Variants in DDX1 observed in about 807,000 individuals in gnomAD.
The protein encoded by DDX1 is DEAD-box helicase 1, also known as ATP-dependent RNA helicase DDX1.
Under a neutral mutation model 108.7 loss-of-function variants are expected in DDX1, and 28 were observed. That is an observed-to-expected ratio of 0.26 (90% CI 0.19 to 0.35). The LOEUF is 0.35. DDX1 is among the 10% of genes least tolerant of loss of function. DDX1 has a pLI of 1.00. For synonymous variants in DDX1, 295 were observed against 288.9 expected (o/e 1.02, Z -0.21); for missense variants, 710 against 884.5 (o/e 0.80, Z 2.50).
intron 1 of DDX1, 90 bp from the exon 2 acceptor site, chr2:15,595,055 C>G: frequency 2.9e-6 from 3 of 1,025,260 alleles, no homozygotes; most frequent in Non-Finnish European, 4.4e-6. Context: ...CCTTCAAAAT[C>G]TTTACCCTGT....
At chr2:15,615,906 T>G (rs1036459197) in intron 14 of DDX1, among the ~76,000 whole-genome samples, 33 of 152,228 alleles carry the variant, frequency 2.2e-4, no homozygotes, top group African/African-American at 7.7e-4. Context: ...ATTTATTTAT[T>G]TTTGGAGATG....
intron 4 of DDX1, 47 bp from the exon 5 acceptor site, chr2:15,597,328 C>T (rs756987240): frequency 1.5e-5 from 17 of 1,159,136 alleles, no homozygotes; most frequent in Non-Finnish European, 2.0e-5. Context: ...ATTAAATTGT[C>T]GTTAATATGT....
intron 25 of DDX1, 84 bp from the exon 26 acceptor site, chr2:15,630,692 A>G: frequency 7.0e-7 from 1 of 1,434,132 alleles, no homozygotes. Flanking sequence ...CAAAGTTTAA[A>G]GTGATATAAT....
At chr2:15,605,583 G>A (rs1665649116) in intron 10 of DDX1, among the ~76,000 whole-genome samples, 1 of 152,116 alleles carries the variant, frequency 6.6e-6, no homozygotes, top group Non-Finnish European at 1.5e-5. Context: ...AAAGAAAGTG[G>A]ATACAGTGTA....
chr2:15,606,714 T>C (rs970602290), intron 12 of DDX1, among the ~76,000 whole-genome samples: 1 of 152,264 alleles, frequency 6.6e-6, no homozygotes, highest in East Asian at 1.9e-4. Flanking sequence ...TATACTCTTA[T>C]CCATTGTATA....
At chr2:15,608,205 A>G (rs145814639) in intron 13 of DDX1, among the ~76,000 whole-genome samples, 29 of 152,308 alleles carry the variant, frequency 1.9e-4, no homozygotes, top group African/African-American at 6.3e-4. Flanking sequence ...AACTTGAAAC[A>G]TTCACACACC....
At chr2:15,616,432 T>C (rs1230411901) in intron 14 of DDX1, among the ~76,000 whole-genome samples, 1 of 152,214 alleles carries the variant, frequency 6.6e-6, no homozygotes, top group African/African-American at 2.4e-5. Context: ...CTCTGAAACC[T>C]GTGTGTCTAA....
At chr2:15,612,743 G>T (rs1184894892) in intron 13 of DDX1, among the ~76,000 whole-genome samples, 1 of 152,322 alleles carries the variant, frequency 6.6e-6, no homozygotes, top group Non-Finnish European at 1.5e-5. Context: ...GGGAGACTCC[G>T]TCTGCAATCC....
chr2:15,596,674 A>C (rs912957158), intron 3 of DDX1, 60 bp from the exon 4 acceptor site: 1 of 1,390,504 alleles, frequency 7.2e-7, no homozygotes, highest in Non-Finnish European at 1.0e-6. Context: ...CTATGGTGTT[A>C]GTTTGATTTC....
intron 3 of DDX1, among the ~76,000 whole-genome samples, chr2:15,595,808 A>G (rs1197519447): frequency 1.3e-5 from 2 of 152,314 alleles, no homozygotes; most frequent in Admixed American, 1.3e-4. Context: ...GCAGAGTAGT[A>G]TAGAATTCAA....
intron 12 of DDX1, 144 bp downstream of exon 12, chr2:15,606,408 T>G: frequency 1.7e-6 from 1 of 601,040 alleles, no homozygotes; most frequent in Non-Finnish European, 2.9e-6. Context: ...GCAGTAAAAT[T>G]CATTTTTAAA....
chr2:15,607,348 C>G, intron 13 of DDX1, 35 bp downstream of exon 13: 1 of 1,601,754 alleles, frequency 6.2e-7, no homozygotes, highest in Non-Finnish European at 8.5e-7. Flanking sequence ...TGCTTATTGT[C>G]TTTTGGTTTG....
At chr2:15,618,104 A>G (rs1032391845) in intron 15 of DDX1, 77 bp from the exon 16 acceptor site, 17 of 786,432 alleles carry the variant, frequency 2.2e-5, no homozygotes, top group Non-Finnish European at 3.3e-5. Context: ...TAGAAAAAAG[A>G]TTTTTGATAC....
chr2:15,626,134 C>T (rs1666098119), intron 19 of DDX1, among the ~76,000 whole-genome samples: 1 of 152,012 alleles, frequency 6.6e-6, no homozygotes, highest in South Asian at 2.1e-4. Flanking sequence ...AACACTCAAA[C>T]ACAATATATA....
In DDX1 at chr2:15,628,508, G is replaced by A. The variant is rs1014513976; in HGVS notation, c.1750G>A (p.Val584Ile). 1.1e-5 allele frequency: 18 copies of A among 1,612,710 alleles called. No individual in the cohort carries two copies. The highest frequency in any genetic ancestry group is 1.4e-5 in the Non-Finnish European group (17 of 1,178,942). ...TGCTAGAGGAATTGATATCCACGGT[G>A]TTCCTTATGGTAAAAAGCAACTTTT... ...VAARGIDIHGVPYVINVTLPD... is the reference protein window; with the variant it reads ...VAARGIDIHGIPYVINVTLPD... The change falls in exon 21 of 26, where the codon GTT becomes ATT. Residue 584 changes from valine to isoleucine, a missense_variant. Val to Ile is a conservative substitution (Grantham distance 29). This residue lies in a region of DDX1 where 661 missense variants were observed against 810.2 expected (regional missense o/e 0.82). Transcript: ENST00000233084.
intron 1 of DDX1, among the ~76,000 whole-genome samples, chr2:15,594,450 T>C (rs1029437331): frequency 6.6e-6 from 1 of 152,160 alleles, no homozygotes; most frequent in Non-Finnish European, 1.5e-5. Flanking sequence ...AATGATAAAA[T>C]GACAAAACCC....
At chr2:15,593,179 C>G (rs73216657) in intron 1 of DDX1, among the ~76,000 whole-genome samples, 6,297 of 152,252 alleles carry the variant, frequency 0.041, 426 homozygotes, top group African/African-American at 0.14. Flanking sequence ...ACCTCGGCTT[C>G]CCAAAGTGCA....
intron 1 of DDX1, among the ~76,000 whole-genome samples, chr2:15,594,645 C>T (rs1665470610): frequency 1.3e-5 from 2 of 152,192 alleles, no homozygotes; most frequent in Admixed American, 1.3e-4. Flanking sequence ...AATGTGGGTG[C>T]TCGCCACTTG....
At chr2:15,623,217 A>T (rs77288309) in intron 18 of DDX1, among the ~76,000 whole-genome samples, 3,041 of 152,280 alleles carry the variant, frequency 0.02, 75 homozygotes, top group East Asian at 0.084. Flanking sequence ...AAAGTAGCAT[A>T]AAAAATATTA....
Sources: allele counts gnomAD v4.1 joint callset (sites outside exome capture counted in the v4.1 genomes callset), GRCh38; gene constraint gnomAD v4.1.1; regional missense constraint gnomAD v4.1.1; transcripts MANE v1.5; gene names NCBI Gene and HGNC (gene_info 2026-07-23, HGNC 2026-07-21).